Variants in MIS18BP1 observed in about 807,000 individuals in gnomAD.
The protein encoded by MIS18BP1 is mis18-binding protein 1.
A neutral mutation model predicts 116.1 loss-of-function variants in MIS18BP1; 72 were observed. The ratio of observed to expected loss-of-function variants is 0.62; its 90% CI spans 0.51 to 0.75. The LOEUF (loss-of-function observed/expected upper bound fraction) is 0.75, where lower values mean the gene tolerates loss of function less well. MIS18BP1 is among the 30% of genes least tolerant of loss of function. MIS18BP1 has a pLI of 0.00. For synonymous variants in MIS18BP1, 386 were observed against 427.0 expected (o/e 0.90, Z 1.18); for missense variants, 1,363 against 1,303.2 (o/e 1.05, Z -0.71).
intron 4 of MIS18BP1, among the ~76,000 whole-genome samples, chr14:45,238,997 G>GT (rs1891503015): frequency 6.6e-6 from 1 of 152,130 alleles, no homozygotes; most frequent in South Asian, 2.1e-4. Context: ...ACTTGGGGAA[G>GT]TAACAGTAAA....
chr14:45,232,438 A>C (rs1376375373), intron 7 of MIS18BP1: 9 of 225,376 alleles, frequency 4.0e-5, no homozygotes, highest in East Asian at 1.5e-4. Context: ...AAAAAAAAAA[A>C]CAACAACAAA....
chr14:45,220,936 A>C (rs1890954903), intron 11 of MIS18BP1, among the ~76,000 whole-genome samples: 1 of 151,964 alleles, frequency 6.6e-6, no homozygotes, highest in African/African-American at 2.4e-5. Flanking sequence ...GGAGTTCGAG[A>C]CCAGCCTGGC....
rs78954477 is a variant in MIS18BP1, at chr14:45,211,431, G to A, written c.3004-903C>T. On this transcript the variant is annotated intron_variant, in intron 13 of 16. Transcript: ENST00000310806. ...TAATATTTCAAGATAAGCTGTTGGA[G>A]CAGATTGAGCCACCTAACACCTCCT... 1.9e-3 allele frequency among the ~76,000 whole-genome samples: 283 copies of A among 152,294 alleles called. 5 individuals are homozygous for A. The highest frequency in any genetic ancestry group is 9.1e-3 in the East Asian group (47 of 5,186).
At chr14:45,245,833 CA>C (rs1891708406) in intron 2 of MIS18BP1, among the ~76,000 whole-genome samples, 2 of 152,170 alleles carry the variant, frequency 1.3e-5, no homozygotes, top group Non-Finnish European at 2.9e-5. Flanking sequence ...TCACCTTGAT[CA>C]CTTCTCTAAA....
Position 45,206,138 on chromosome 14 carries a change from T to G in MIS18BP1, c.3185A>C (p.Gln1062Pro). 1 of 1,608,696 alleles carries G rather than the reference T, an allele frequency of 6.2e-7. No individual in the cohort carries two copies. Among genetic ancestry groups the G allele is most frequent in the Non-Finnish European group, 8.5e-7 (1 of 1,176,018 alleles). ...ACCACCATTACTTTTATGATATTTTTGCATACGAAAAACATATTTATCACA... is the reference window on the plus strand; with the variant it reads ...ACCACCATTACTTTTATGATATTTTGGCATACGAAAAACATATTTATCACA... ...NDCDKYVFRM[Q>P]KYHKSNGGIV... Residue 1062 changes from glutamine to proline, a missense_variant, in exon 15 of 17, where the codon CAA (glutamine) becomes CCA (proline). Transcript: ENST00000310806.
chr14:45,237,387 A>G (rs1891458393), intron 5 of MIS18BP1, among the ~76,000 whole-genome samples: 1 of 152,228 alleles, frequency 6.6e-6, no homozygotes, highest in East Asian at 1.9e-4. Flanking sequence ...TCCACTTATT[A>G]GCACCTCAGA....
At chr14:45,219,864 AATGT>A (rs547156743) in intron 11 of MIS18BP1, among the ~76,000 whole-genome samples, 2 of 152,324 alleles carry the variant, frequency 1.3e-5, no homozygotes, top group South Asian at 4.1e-4. Flanking sequence ...CACAAATAAT[AATGT>A]ATTTAATAAG....
intron 15 of MIS18BP1, 94 bp from the exon 16 acceptor site, chr14:45,204,547 C>T (rs1169750531): frequency 1.2e-6 from 1 of 826,312 alleles, no homozygotes; most frequent in Non-Finnish European, 1.9e-6. Flanking sequence ...CCCCAGATTA[C>T]TTTGAACATA....
intron 9 of MIS18BP1, 67 bp from the exon 10 acceptor site, chr14:45,226,903 T>G: frequency 4.2e-6 from 5 of 1,196,432 alleles, no homozygotes; most frequent in Middle Eastern, 5.2e-4. Flanking sequence ...TGAAGCATTT[T>G]CATAGTATGC....
At chr14:45,214,504 C>T (rs543451571) in intron 13 of MIS18BP1, among the ~76,000 whole-genome samples, 20 of 152,272 alleles carry the variant, frequency 1.3e-4, no homozygotes, top group Non-Finnish European at 2.5e-4. Flanking sequence ...TCAATAAATA[C>T]TGAGGGAACT....
rs909090226 is a variant in MIS18BP1, at chr14:45,253,023, G to C, written c.-92+12C>G. 2 of 152,424 alleles carry C rather than the reference G, an allele frequency of 1.3e-5. No homozygotes were observed. The highest frequency in any genetic ancestry group is 4.8e-5 in the African/African-American group (2 of 41,604). The allele number at this position is 152,424 out of a possible 1,614,324, so 9.4% of individuals were successfully genotyped here. ...CGGTAGGAGGTTAGCGGAGGGCGCGGGGAGGACGTACCTTGGATGAAGAGC... is the reference window on the plus strand; with the variant it reads ...CGGTAGGAGGTTAGCGGAGGGCGCGCGGAGGACGTACCTTGGATGAAGAGC... On this transcript the variant is annotated intron_variant, in intron 1 of 16. Coordinates refer to ENST00000310806, the MANE Select transcript of MIS18BP1 (RefSeq NM_018353.5).
chr14:45,243,727 T>C (rs1891646421), intron 2 of MIS18BP1, among the ~76,000 whole-genome samples: 1 of 152,142 alleles, frequency 6.6e-6, no homozygotes, highest in South Asian at 2.1e-4. Flanking sequence ...CTTTAACTCA[T>C]TCTACAAGAA....
At chr14:45,246,543 C>T (rs1408852100) in intron 2 of MIS18BP1, among the ~76,000 whole-genome samples, 200 bp downstream of exon 2, 2 of 152,134 alleles carry the variant, frequency 1.3e-5, no homozygotes, top group Admixed American at 1.3e-4. Flanking sequence ...TTCCTCTTTC[C>T]ACTTTTCCTC....
Position 45,242,529 on chromosome 14 carries a change from T to C in MIS18BP1, c.659-11A>G, listed in dbSNP as rs1005231641. On this transcript the variant is annotated splice_polypyrimidine_tract_variant and intron_variant, in intron 3 of 16. Coordinates refer to ENST00000310806, the MANE Select transcript of MIS18BP1 (RefSeq NM_018353.5). ...TCAGAGTTGGAAGTTCTGCAAAAAA[T>C]ACAAAACAAAACAAAACAAAACAAT... is the stretch of plus-strand genomic sequence containing the variant. 19 of 1,562,400 alleles carry C rather than the reference T, an allele frequency of 1.2e-5. 1 individual carries two copies. In the South Asian group the frequency reaches 2.2e-4, roughly 18 times the overall value.
chr14:45,235,951 A>G lies in MIS18BP1; in HGVS notation c.1218-7T>C. The G allele has an allele frequency of 6.3e-7, 1 of 1,591,752 alleles. No homozygotes were observed. Among genetic ancestry groups the G allele is most frequent in the Non-Finnish European group, 8.5e-7 (1 of 1,172,158 alleles). ...ATATATGTTAGTGACGTCTCTAGGA[A>G]AAAAAAATAGTTTTGGTAAGGTCAA... On this transcript the variant is annotated splice_polypyrimidine_tract_variant and splice_region_variant and intron_variant, in intron 5 of 16. Coordinates refer to ENST00000310806, the MANE Select transcript of MIS18BP1 (RefSeq NM_018353.5).
At chr14:45,223,678 G>A (rs1307451038) in intron 11 of MIS18BP1, among the ~76,000 whole-genome samples, 4 of 152,192 alleles carry the variant, frequency 2.6e-5, no homozygotes, top group Non-Finnish European at 2.9e-5. Context: ...ACATGGGAAT[G>A]AAAAGGTCAC....
intron 1 of MIS18BP1, among the ~76,000 whole-genome samples, chr14:45,250,349 A>C (rs1049541825): frequency 6.6e-6 from 1 of 152,166 alleles, no homozygotes; most frequent in Admixed American, 6.5e-5. Context: ...AACAAGAAAA[A>C]CCACTGGGTC....
intron 4 of MIS18BP1, among the ~76,000 whole-genome samples, chr14:45,241,301 C>G (rs1891568706): frequency 6.6e-6 from 1 of 152,122 alleles, no homozygotes; most frequent in African/African-American, 2.4e-5. Flanking sequence ...AAAACCCCGT[C>G]TCTACTAAAA....
chr14:45,237,158 TAA>T (rs1345464192), intron 5 of MIS18BP1, among the ~76,000 whole-genome samples: 1 of 152,054 alleles, frequency 6.6e-6, no homozygotes, highest in Non-Finnish European at 1.5e-5. Flanking sequence ...CAGAATTAGG[TAA>T]AGCCCACTTA....
Sources: gnomAD v4.1 joint callset for allele counts (sites outside exome capture counted in the v4.1 genomes callset) on GRCh38, gnomAD v4.1.1 for gene constraint, MANE v1.5 for transcripts, NCBI Gene and HGNC (gene_info 2026-07-23, HGNC 2026-07-21) for gene names.